GEMIN8: variants seen among roughly 807,000 people sequenced by gnomAD.
GEMIN8 encodes gem-associated protein 8.
For synonymous variants in GEMIN8, 80 were observed against 78.5 expected, an observed-to-expected ratio of 1.02 and a Z score of -0.10; for missense variants, 185 against 205.9, an observed-to-expected ratio of 0.90 and a Z score of 0.62.
chrX:14,002,002 T>A (rs983237441), downstream of GEMIN8, among the ~76,000 whole-genome samples: 1 of 99,930 alleles, frequency 1.0e-5, no homozygotes, highest in Non-Finnish European at 2.0e-5. Context: ...GCACCTCTAA[T>A]CCCAGCTACT....
At chrX:13,994,522 T>C in the GEMIN8 span, among the ~76,000 whole-genome samples, 1 of 112,861 alleles carries the variant, frequency 8.9e-6, no homozygotes, top group Admixed American at 9.4e-5. Context: ...GTAATATCCA[T>C]TTCTGATCTC....
At chrX:14,021,874 C>T (rs1924373347) in intron 2 of GEMIN8, among the ~76,000 whole-genome samples, 1 of 89,865 alleles carries the variant, frequency 1.1e-5, no homozygotes, top group South Asian at 5.1e-4. Flanking sequence ...TATACTGAGG[C>T]TGGAGAGATG....
chrX:14,029,459 G>T (rs2147148883), intron 1 of GEMIN8: 1 of 111,848 alleles, frequency 8.9e-6, no homozygotes, highest in South Asian at 3.7e-4. Flanking sequence ...CGATGCCAGG[G>T]CCCCACTATT....
At chrX:13,997,898 CAAAAAAAAAA>C in the GEMIN8 span, among the ~76,000 whole-genome samples, 1 of 45,124 alleles carries the variant, frequency 2.2e-5, no homozygotes, top group East Asian at 8.4e-4. Flanking sequence ...GACTCTGTCT[CAAAAAAAAAA>C]AAAAAAAAAA....
chrX:14,025,354 C>T (rs1462582435), intron 2 of GEMIN8, among the ~76,000 whole-genome samples: 2 of 108,921 alleles, frequency 1.8e-5, no homozygotes, highest in Non-Finnish European at 3.8e-5. Context: ...AAAAAACACA[C>T]ACCAAACAAC....
the GEMIN8 span, among the ~76,000 whole-genome samples, chrX:14,001,146 C>T: frequency 3.6e-5 from 4 of 112,059 alleles, no homozygotes; most frequent in Non-Finnish European, 3.8e-5. Flanking sequence ...TGCATCTCCA[C>T]GTGTCCATCA....
chrX:14,009,143 G>C lies in GEMIN8; in HGVS notation c.499C>G (p.Arg167Gly). 8.3e-7 allele frequency: 1 copy of C among 1,210,867 alleles called. No individual in the cohort carries two copies. Among genetic ancestry groups the C allele is most frequent in the East Asian group, 3.0e-5 (1 of 33,844 alleles). ...TCAGCGTTCACATAGCTGTCCAGGCGCTCTGCATCCAGCTGCTGCTGCCGC... is the reference window on the plus strand; with the variant it reads ...TCAGCGTTCACATAGCTGTCCAGGCCCTCTGCATCCAGCTGCTGCTGCCGC... Reference protein sequence around the residue: ...RRRQQQLDAERLDSYVNADHD... With the variant: ...RRRQQQLDAEGLDSYVNADHD... The change falls in exon 5 of 5, where the codon CGC (arginine) becomes GGC (glycine). Residue 167 changes from arginine to glycine, a missense_variant. Coordinates refer to ENST00000680255, the MANE Select transcript of GEMIN8 (RefSeq NM_001042479.2).
In GEMIN8 at chrX:14,014,094, A is replaced by G. The variant is rs186368560; in HGVS notation, c.473-4925T>C. 3 of 745,250 alleles carry G rather than the reference A, an allele frequency of 4.0e-6. No individual in the cohort carries two copies. The East Asian group carries it at 4.6e-4, about 114-fold the overall frequency. The allele number at this position is 745,250 out of a possible 1,213,427, so 61.4% of individuals were successfully genotyped here. A position where few individuals can be genotyped will look rare whatever the true frequency, so the allele number is the denominator to read the frequency against. On this transcript the variant is annotated intron_variant, in intron 4 of 4. Transcript: ENST00000680255. ...TATAGCAGGAAAACTTTCATCCAAG[A>G]TTATTCCACACATAGAGCCCAAAGG...
intron 4 of GEMIN8, among the ~76,000 whole-genome samples, chrX:14,019,561 A>G (rs1924159103): frequency 8.9e-6 from 1 of 111,839 alleles, no homozygotes; most frequent in African/African-American, 3.3e-5. Context: ...GAGGAATGGC[A>G]AAAGTATTTT....
chrX:13,989,269 AT>A, the GEMIN8 span, among the ~76,000 whole-genome samples: 109 of 103,191 alleles, frequency 1.1e-3, no homozygotes, highest in Non-Finnish European at 1.3e-3. Context: ...TTAAATTTAA[AT>A]TTTTTTTTTT....
rs768354566 is a variant in GEMIN8, at chrX:14,024,516, CAAAAAA to C, written c.-34+1618_-34+1623del. On this transcript the variant is annotated intron_variant, in intron 2 of 4. Coordinates refer to ENST00000680255, the MANE Select transcript of GEMIN8 (RefSeq NM_001042479.2). ...TCAGTCTCAAAAACAAAAACAAAAACAAAAAAAAAAAGAAGAGGGAGGGAGCACTAG... is the reference window on the plus strand; with the variant it reads ...TCAGTCTCAAAAACAAAAACAAAAACAAAAAGAAGAGGGAGGGAGCACTAG... 1.8e-3 allele frequency among the ~76,000 whole-genome samples: 177 copies of C among 100,503 alleles called. 1 individual carries two copies. Among genetic ancestry groups the C allele is most frequent in the African/African-American group, 5.2e-3 (143 of 27,514 alleles). The allele number at this position is 100,503 out of a possible 115,157, so 87.3% of individuals were successfully genotyped here. A position where few individuals can be genotyped will look rare whatever the true frequency, so the allele number is the denominator to read the frequency against.
At chrX:13,993,848 T>C in the GEMIN8 span, among the ~76,000 whole-genome samples, 2 of 111,860 alleles carry the variant, frequency 1.8e-5, no homozygotes, top group Non-Finnish European at 3.8e-5. Flanking sequence ...GAGCATCACC[T>C]GGGAGCTTGA....
chrX:14,025,066 A>C (rs1256810010), intron 2 of GEMIN8, among the ~76,000 whole-genome samples: 1 of 112,150 alleles, frequency 8.9e-6, no homozygotes, highest in Admixed American at 9.4e-5. Context: ...AAGTCTTTTT[A>C]AGATTCCTAA....
chrX:14,027,666 T>C (rs759436720), intron 1 of GEMIN8, among the ~76,000 whole-genome samples: 4 of 112,694 alleles, frequency 3.5e-5, no homozygotes, highest in Admixed American at 9.4e-5. Flanking sequence ...CAATTCTTTT[T>C]TTCATACAAA....
intron 4 of GEMIN8, chrX:14,014,598 T>G: frequency 2.4e-5 from 15 of 626,898 alleles, no homozygotes; most frequent in Non-Finnish European, 2.9e-5. Context: ...ATTTCATCCT[T>G]CAACCTCATT....
At chrX:14,005,225 G>A (rs962071181), downstream of GEMIN8, among the ~76,000 whole-genome samples, 1 of 110,558 alleles carries the variant, frequency 9.0e-6, no homozygotes, top group Non-Finnish European at 1.9e-5. Context: ...GACAGCTTCG[G>A]GATGGGGCCA....
chrX:14,021,444 TA>T lies in GEMIN8; in HGVS notation c.15+19del, dbSNP rs746533286. ...TTTACTTACGAGCTCAAAAAAAAAA[TA>T]AAAAAATAAAAATCTTACCTTTACC... is the stretch of plus-strand genomic sequence containing the variant. On this transcript the variant is annotated intron_variant, in intron 3 of 4. Coordinates refer to ENST00000680255, the MANE Select transcript of GEMIN8 (RefSeq NM_001042479.2). The T allele has an allele frequency of 1.0e-6, 1 of 978,729 alleles. No homozygotes were observed. Among genetic ancestry groups the T allele is most frequent in the Non-Finnish European group, 1.4e-6 (1 of 695,803 alleles). 80.7% of individuals were successfully genotyped at this position (978,729 alleles called of 1,213,427 possible).
At chrX:14,022,483 G>A (rs1924436426) in intron 2 of GEMIN8, among the ~76,000 whole-genome samples, 1 of 111,848 alleles carries the variant, frequency 8.9e-6, no homozygotes, top group African/African-American at 3.3e-5. Flanking sequence ...TTGCTCTGCT[G>A]AGATTTACTC....
At chrX:14,003,063 C>T (rs996186194), downstream of GEMIN8, among the ~76,000 whole-genome samples, 4 of 112,211 alleles carry the variant, frequency 3.6e-5, no homozygotes, top group Admixed American at 9.5e-5. Flanking sequence ...TCTATTTCTT[C>T]GGTGTCTCTG....
Sources: allele counts gnomAD v4.1 joint callset (sites outside exome capture counted in the v4.1 genomes callset), GRCh38; gene constraint gnomAD v4.1.1; transcripts MANE v1.5; gene names NCBI Gene and HGNC (gene_info 2026-07-23, HGNC 2026-07-21).